The following PSD3 variants were observed in gnomAD, a reference collection of about 807,000 sequenced individuals.
PSD3 encodes the protein PH and SEC7 domain-containing protein 3.
In PSD3, 49 loss-of-function variants were observed where a neutral mutation model predicts 105.5. The observed-to-expected ratio is 0.46, with a 90% CI of 0.37 to 0.59. The LOEUF is 0.59. Ranked by LOEUF, PSD3 falls within the 20% of genes least tolerant of loss-of-function variation. The pLI, the probability that PSD3 is intolerant of heterozygous loss-of-function variation, is 0.00. For synonymous variants in PSD3, 557 were observed against 457.8 expected (o/e 1.22, Z -2.77); for missense variants, 1,561 against 1,263.8 (o/e 1.24, Z -3.57).
intron 1 of PSD3, among the ~76,000 whole-genome samples, chr8:18,943,442 A>C (rs1294935120): frequency 6.6e-6 from 1 of 152,202 alleles, no homozygotes; most frequent in Non-Finnish European, 1.5e-5. Flanking sequence ...AAATAGAATA[A>C]GAAAAATGAC....
intron 4 of PSD3, chr8:18,849,429 G>C (rs887763444): frequency 5.9e-5 from 9 of 152,200 alleles, no homozygotes; most frequent in Admixed American, 2.0e-4. Context: ...TATCAGCCGA[G>C]ATGTAAACTA....
chr8:18,572,586 C>T lies in PSD3; in HGVS notation c.2726G>A (p.Gly909Asp). 1 of 1,614,070 alleles carries T rather than the reference C, an allele frequency of 6.2e-7. No homozygotes were observed. Among genetic ancestry groups the T allele is most frequent in the Non-Finnish European group, 8.5e-7 (1 of 1,179,956 alleles). ...TGGGCGGCTAAACTTCTTCTGAGAG[C>T]CGATTGCTGCTGGAAATGGTGGTGC... is the stretch of plus-strand genomic sequence containing the variant. ...FSAPPFPAAI[G>D]SQKKFSRPLL... Residue 909 changes from glycine to aspartate, a missense_variant, in exon 14 of 16, where the codon GGC becomes GAC. By Grantham distance (94) the Gly-to-Asp change is moderately conservative. Transcript: ENST00000327040.
chr8:18,617,047 G>A (rs1805745019), intron 11 of PSD3, among the ~76,000 whole-genome samples: 1 of 152,110 alleles, frequency 6.6e-6, no homozygotes. Context: ...TTTCCCCTGT[G>A]TGCATGTTAA....
intron 9 of PSD3, among the ~76,000 whole-genome samples, chr8:18,722,112 C>T (rs1478771229): frequency 6.6e-6 from 1 of 151,444 alleles, no homozygotes; most frequent in South Asian, 2.1e-4. Flanking sequence ...CTCCCAGCTG[C>T]GGTATTGAAC....
intron 2 of PSD3, among the ~76,000 whole-genome samples, chr8:18,883,901 T>C (rs1818285295): frequency 1.3e-5 from 2 of 152,204 alleles, no homozygotes; most frequent in Admixed American, 1.3e-4. Flanking sequence ...ATAAATGCAA[T>C]AACATCTTTG....
intron 1 of PSD3, among the ~76,000 whole-genome samples, chr8:18,971,080 G>A (rs1824622748): frequency 6.6e-6 from 1 of 151,990 alleles, no homozygotes; most frequent in South Asian, 2.1e-4. Context: ...GACCTCACAT[G>A]TGCTTAGGCA....
intron 8 of PSD3, among the ~76,000 whole-genome samples, chr8:18,766,561 G>C (rs1397075622): frequency 2.0e-5 from 3 of 152,124 alleles, no homozygotes; most frequent in Non-Finnish European, 2.9e-5. Flanking sequence ...ACATTTCTGA[G>C]CTGAACTCAG....
intron 11 of PSD3, 39 bp from the exon 12 acceptor site, chr8:18,600,473 C>T: frequency 6.9e-7 from 1 of 1,451,966 alleles, no homozygotes; most frequent in Non-Finnish European, 9.5e-7. Context: ...TATTTGACAT[C>T]AGCATTTTAG....
In PSD3 at chr8:18,656,870, C is replaced by T. The variant is rs1323539819; in HGVS notation, c.2173-1185G>A. Among the ~76,000 whole-genome samples, 3 of 152,144 alleles carry T rather than the reference C, an allele frequency of 2.0e-5. 1 individual carries two copies. The highest frequency in any genetic ancestry group is 3.8e-4 in the East Asian group (2 of 5,198). ...GAACAGCTGGGACTACAGGCATATG[C>T]CACAGTGTCTGGCTTTACCTTTGAA... On this transcript the variant is annotated intron_variant, in intron 9 of 15. Transcript: ENST00000327040.
intron 1 of PSD3, among the ~76,000 whole-genome samples, chr8:18,971,934 G>C (rs1824677391): frequency 6.6e-6 from 1 of 152,116 alleles, no homozygotes; most frequent in Non-Finnish European, 1.5e-5. Flanking sequence ...GAGCCTGGGA[G>C]GCAGAGGTTG....
At chr8:18,948,026 A>T (rs1331612042) in intron 1 of PSD3, among the ~76,000 whole-genome samples, 2 of 152,222 alleles carry the variant, frequency 1.3e-5, no homozygotes, top group African/African-American at 2.4e-5. Flanking sequence ...ACCGACTATT[A>T]TGAGTTCACA....
At chr8:18,587,462 C>G (rs1447477199) in intron 12 of PSD3, among the ~76,000 whole-genome samples, 1 of 152,120 alleles carries the variant, frequency 6.6e-6, no homozygotes, top group Non-Finnish European at 1.5e-5. Flanking sequence ...ACTCCCCCTC[C>G]AGCCTATAAT....
rs759492827 is a variant in PSD3, at chr8:18,632,500, T to G, written c.2410+113A>C. The G allele has an allele frequency of 6.7e-4, 769 of 1,143,236 alleles. 1 individual carries two copies. The highest frequency in any genetic ancestry group is 8.5e-4 in the Non-Finnish European group (684 of 808,166). 70.8% of individuals were successfully genotyped at this position (1,143,236 alleles called of 1,614,324 possible). ...GAGGCTTTATCCAATTTCAAGAATGTGTCTATAGATAAACATAATTTTTTC... is the reference window on the plus strand; with the variant it reads ...GAGGCTTTATCCAATTTCAAGAATGGGTCTATAGATAAACATAATTTTTTC... On this transcript the variant is annotated intron_variant, in intron 11 of 15. Transcript: ENST00000327040.
At chr8:18,801,641 C>A (rs1007485303) in intron 6 of PSD3, among the ~76,000 whole-genome samples, 1 of 152,066 alleles carries the variant, frequency 6.6e-6, no homozygotes, top group African/African-American at 2.4e-5. Flanking sequence ...ACCAGCCTGG[C>A]CAACATGGCG....
chr8:18,757,752 C>T (rs996918801), intron 9 of PSD3, among the ~76,000 whole-genome samples: 1 of 152,162 alleles, frequency 6.6e-6, no homozygotes, highest in Non-Finnish European at 1.5e-5. Context: ...TAAAACATGA[C>T]AATAAACATA....
chr8:18,904,243 G>A (rs1034637527), intron 2 of PSD3, among the ~76,000 whole-genome samples: 1 of 152,150 alleles, frequency 6.6e-6, no homozygotes, highest in Admixed American at 6.5e-5. Flanking sequence ...CTAACAGAGT[G>A]AGAACTACTC....
intron 1 of PSD3, among the ~76,000 whole-genome samples, chr8:18,988,542 C>T (rs1035591662): frequency 2.6e-5 from 4 of 152,180 alleles, no homozygotes; most frequent in African/African-American, 4.8e-5. Context: ...TTAGTCTAAT[C>T]ATCACTTCTG....
At chr8:18,549,215 C>T (rs1422858304) in intron 15 of PSD3, among the ~76,000 whole-genome samples, 1 of 129,746 alleles carries the variant, frequency 7.7e-6, no homozygotes, top group Admixed American at 8.2e-5. Context: ...GAGTTTCACT[C>T]TTATTGCCCA....
intron 2 of PSD3, among the ~76,000 whole-genome samples, chr8:18,926,761 T>C (rs1300994680): frequency 1.3e-5 from 2 of 152,126 alleles, no homozygotes; most frequent in African/African-American, 4.8e-5. Flanking sequence ...CAATCAGTCC[T>C]ACAGAGGATA....
Sources: gnomAD v4.1 joint callset for allele counts (sites outside exome capture counted in the v4.1 genomes callset) on GRCh38, gnomAD v4.1.1 for gene constraint, MANE v1.5 for transcripts, NCBI Gene and HGNC (gene_info 2026-07-23, HGNC 2026-07-21) for gene names.